UIMC1: variants seen among roughly 807,000 people sequenced by gnomAD.
UIMC1 encodes the protein ubiquitin interaction motif containing 1.
Under a neutral mutation model 84.9 loss-of-function variants are expected in UIMC1, and 42 were observed. That is an observed-to-expected ratio of 0.49 (90% CI 0.39 to 0.64). The LOEUF is 0.64. UIMC1 is among the 30% of genes least tolerant of loss of function. The pLI, the probability that UIMC1 is intolerant of heterozygous loss-of-function variation, is 0.00. For synonymous variants in UIMC1, 281 were observed against 293.0 expected (o/e 0.96, Z 0.42); for missense variants, 825 against 847.6 (o/e 0.97, Z 0.33).
intron 1 of UIMC1, among the ~76,000 whole-genome samples, chr5:176,999,461 TAA>T (rs1198540800): frequency 6.6e-6 from 1 of 152,148 alleles, no homozygotes; most frequent in East Asian, 1.9e-4. Context: ...TTATTGACTA[TAA>T]GTCATCCTAT....
chr5:176,977,339 AAGT>A (rs1403069233), intron 2 of UIMC1, among the ~76,000 whole-genome samples: 9 of 152,062 alleles, frequency 5.9e-5, no homozygotes, highest in Non-Finnish European at 1.3e-4. Flanking sequence ...AATAAATATA[AAGT>A]AGATTTGAAC....
intron 8 of UIMC1, among the ~76,000 whole-genome samples, chr5:176,952,679 C>G (rs556841162): frequency 2.0e-5 from 3 of 152,252 alleles, no homozygotes; most frequent in African/African-American, 7.2e-5. Context: ...TGCCTGCAAT[C>G]CCAATGCTTT....
At chr5:176,991,026 G>T (rs1267699370) in intron 1 of UIMC1, among the ~76,000 whole-genome samples, 3 of 149,882 alleles carry the variant, frequency 2.0e-5, no homozygotes, top group African/African-American at 2.5e-5. Context: ...TATTTTTTTT[G>T]AGACAGAGTC....
At chr5:176,981,214 G>A (rs1012424759) in intron 2 of UIMC1, among the ~76,000 whole-genome samples, 10 of 143,278 alleles carry the variant, frequency 7.0e-5, no homozygotes, top group African/African-American at 2.3e-4. Flanking sequence ...GCGCAATCTC[G>A]GCTCACTGCA....
At chr5:176,998,133 C>A (rs889934522) in intron 1 of UIMC1, among the ~76,000 whole-genome samples, 3 of 151,990 alleles carry the variant, frequency 2.0e-5, no homozygotes, top group Non-Finnish European at 2.9e-5. Flanking sequence ...TTAAGGAAGG[C>A]AAGGAAGAAA....
Position 176,908,625 on chromosome 5 carries a change from A to G in UIMC1, c.1746T>C (p.Cys582=). Residue 582 remains cysteine, a synonymous_variant, in exon 12 of 15, where the codon TGT becomes TGC. Transcript: ENST00000511320. ...FREYQCHVDS[C]LQLAKADQGD... is the part of the protein sequence containing the mutation. ...CTTGGTCAGCCTTTGCAAGCTGGAG[A>G]CAGGAGTCCACATGACACTGATACT... 6.2e-7 allele frequency: 1 copy of G among 1,614,176 alleles called. No homozygotes were observed.
intron 10 of UIMC1, among the ~76,000 whole-genome samples, chr5:176,912,214 A>T (rs1335646552): frequency 1.3e-5 from 2 of 152,216 alleles, no homozygotes; most frequent in African/African-American, 4.8e-5. Context: ...ACAGAGAGTA[A>T]ATATTTTAGT....
Position 176,970,265 on chromosome 5 carries a change from C to A in UIMC1, c.357+477G>T, listed in dbSNP as rs188140927. On this transcript the variant is annotated intron_variant, in intron 4 of 14. Coordinates refer to ENST00000511320, the MANE Select transcript of UIMC1 (RefSeq NM_001199298.2). ...CCAGCCTGGGCAATGGAGTGAGACT[C>A]CATCTCAAAAAAAAAAAAAAAAAAA... 1,458 of 170,334 alleles carry A rather than the reference C, an allele frequency of 8.6e-3. 23 individuals are homozygous for A. The highest frequency in any genetic ancestry group is 0.043 in the African/African-American group (1,379 of 32,012). The allele number at this position is 170,334 out of a possible 1,614,324, so 10.6% of individuals were successfully genotyped here. A position where few individuals can be genotyped will look rare whatever the true frequency, so the allele number is the denominator to read the frequency against.
intron 10 of UIMC1, among the ~76,000 whole-genome samples, chr5:176,932,348 C>T (rs973416518): frequency 1.6e-4 from 25 of 152,116 alleles, no homozygotes; most frequent in African/African-American, 5.6e-4. Flanking sequence ...AAAAAATATT[C>T]CCACAGCAAG....
At chr5:176,997,351 T>A (rs981570272) in intron 1 of UIMC1, among the ~76,000 whole-genome samples, 1 of 152,084 alleles carries the variant, frequency 6.6e-6, no homozygotes, top group Non-Finnish European at 1.5e-5. Flanking sequence ...ACACCAAAGC[T>A]GTTTTCTTTT....
chr5:177,004,074 C>CCA (rs1453121128), intron 1 of UIMC1, among the ~76,000 whole-genome samples: 2 of 152,138 alleles, frequency 1.3e-5, no homozygotes, highest in African/African-American at 2.4e-5. Flanking sequence ...AAGCAATTGC[C>CCA]CACCTCAGCC....
At chr5:176,929,677 T>TG (rs1283394655) in intron 10 of UIMC1, among the ~76,000 whole-genome samples, 1 of 152,144 alleles carries the variant, frequency 6.6e-6, no homozygotes, top group Admixed American at 6.5e-5. Context: ...AGGTAGAATA[T>TG]GGGGGTTCAG....
In UIMC1 at chr5:176,939,971, C is replaced by T. The variant is rs113504482; in HGVS notation, c.1597+3364G>A. Among the ~76,000 whole-genome samples, 17 of 152,232 alleles carry T rather than the reference C, an allele frequency of 1.1e-4. 1 individual carries two copies. The highest frequency in any genetic ancestry group is 3.6e-4 in the African/African-American group (15 of 41,554). ...AGTCTGCGATATCCAGAGTGTAAATCCAACTGAACAGCATTAGACGGGGTC... is the reference window on the plus strand; with the variant it reads ...AGTCTGCGATATCCAGAGTGTAAATTCAACTGAACAGCATTAGACGGGGTC... On this transcript the variant is annotated intron_variant, in intron 10 of 14. Coordinates refer to ENST00000511320, the MANE Select transcript of UIMC1 (RefSeq NM_001199298.2).
chr5:176,931,115 A>G (rs577999495), intron 10 of UIMC1, among the ~76,000 whole-genome samples: 1 of 152,316 alleles, frequency 6.6e-6, no homozygotes, highest in African/African-American at 2.4e-5. Context: ...AAGTTCTCTA[A>G]TATTAATTTC....
chr5:176,940,478 CA>C (rs990895547), intron 10 of UIMC1, among the ~76,000 whole-genome samples: 1 of 152,118 alleles, frequency 6.6e-6, no homozygotes, highest in African/African-American at 2.4e-5. Flanking sequence ...CTCAGATACC[CA>C]ATACCAGCTG....
intron 10 of UIMC1, among the ~76,000 whole-genome samples, chr5:176,937,593 A>G (rs1488881872): frequency 6.6e-6 from 1 of 152,256 alleles, no homozygotes; most frequent in African/African-American, 2.4e-5. Flanking sequence ...GACTGAGCCA[A>G]CTTAACCAGT....
chr5:176,936,506 A>T (rs548544255), intron 10 of UIMC1, among the ~76,000 whole-genome samples: 1 of 152,278 alleles, frequency 6.6e-6, no homozygotes, highest in East Asian at 1.9e-4. Flanking sequence ...CTTAAATATT[A>T]TTCTTTGCTC....
intron 10 of UIMC1, among the ~76,000 whole-genome samples, chr5:176,914,402 G>C (rs1056933554): frequency 6.6e-6 from 1 of 152,196 alleles, no homozygotes; most frequent in Non-Finnish European, 1.5e-5. Context: ...TACCAGAGAA[G>C]CCTGTCTTCT....
intron 1 of UIMC1, among the ~76,000 whole-genome samples, chr5:176,984,802 G>A (rs1444403608): frequency 3.9e-5 from 6 of 152,114 alleles, no homozygotes; most frequent in Admixed American, 1.3e-4. Context: ...CCCCAACCCC[G>A]TGCTCTCTGA....
Sources: allele counts gnomAD v4.1 joint callset (sites outside exome capture counted in the v4.1 genomes callset), GRCh38; gene constraint gnomAD v4.1.1; transcripts MANE v1.5; gene names NCBI Gene and HGNC (gene_info 2026-07-23, HGNC 2026-07-21).